Variants in GPC6 observed in about 807,000 individuals in gnomAD.
GPC6 encodes glypican 6, also known as glypican-6.
GPC6 carries 14 observed loss-of-function variants against 55.2 expected under a neutral mutation model. The ratio of observed to expected loss-of-function variants is 0.25; its 90% CI spans 0.17 to 0.40. GPC6 has a LOEUF of 0.40. GPC6 is among the 10% of genes least tolerant of loss of function. The pLI is 1.00. For missense variants in GPC6, 641 were observed against 708.5 expected (o/e 0.90, Z 1.08); for synonymous variants, 278 against 259.6 (o/e 1.07, Z -0.68).
chr13:93,245,845 C>G (rs1876586443), intron 1 of GPC6, among the ~76,000 whole-genome samples: 1 of 152,222 alleles, frequency 6.6e-6, no homozygotes, highest in Non-Finnish European at 1.5e-5. Context: ...AGGAAAAGAG[C>G]AGAATGGGAC....
At chr13:93,816,681 C>A (rs923859023) in intron 2 of GPC6, among the ~76,000 whole-genome samples, 2 of 150,438 alleles carry the variant, frequency 1.3e-5, no homozygotes, top group African/African-American at 4.9e-5. Flanking sequence ...TTCCATGCCT[C>A]GGTTTCCTCA....
intron 1 of GPC6, among the ~76,000 whole-genome samples, chr13:93,295,261 AGCTGGGGTGGTACAGGGAGACCCTGTCTC>A: frequency 7.0e-6 from 1 of 143,198 alleles, no homozygotes; most frequent in African/African-American, 2.6e-5. Context: ...ATTGCACAGA[AGCTGGGGTGGTACAGGGAGACCCTGTCTC>A]AAAAAAAAAA....
intron 2 of GPC6, among the ~76,000 whole-genome samples, chr13:93,808,498 C>A (rs1375608811): frequency 1.3e-5 from 2 of 152,148 alleles, no homozygotes; most frequent in Non-Finnish European, 2.9e-5. Flanking sequence ...ATTTGTCTTC[C>A]AAATAATCTG....
chr13:93,709,305 T>C (rs1274907578), intron 2 of GPC6, among the ~76,000 whole-genome samples: 1 of 151,814 alleles, frequency 6.6e-6, no homozygotes, highest in Non-Finnish European at 1.5e-5. Flanking sequence ...CTTAATAACC[T>C]TCTGTGTGTG....
At chr13:94,172,377 C>T (rs992971871) in intron 4 of GPC6, among the ~76,000 whole-genome samples, 11 of 152,122 alleles carry the variant, frequency 7.2e-5, no homozygotes, top group African/African-American at 2.7e-4. Context: ...TATTAAATTT[C>T]TCTATCTGTA....
intron 4 of GPC6, among the ~76,000 whole-genome samples, chr13:94,179,161 A>C (rs1231180853): frequency 6.6e-6 from 1 of 152,078 alleles, no homozygotes; most frequent in African/African-American, 2.4e-5. Flanking sequence ...CAGTATCCTC[A>C]CCCTCCTGCA....
At chr13:93,578,958 A>G (rs1876803018) in intron 2 of GPC6, among the ~76,000 whole-genome samples, 1 of 152,056 alleles carries the variant, frequency 6.6e-6, no homozygotes, top group Non-Finnish European at 1.5e-5. Flanking sequence ...AGTTGATGAA[A>G]CTTGAGGTCA....
At chr13:93,476,603 AT>A (rs1436806596) in intron 1 of GPC6, among the ~76,000 whole-genome samples, 3 of 152,308 alleles carry the variant, frequency 2.0e-5, no homozygotes, top group African/African-American at 7.2e-5. Flanking sequence ...ATAATTGTTG[AT>A]TACTGTAAGT....
At chr13:93,323,633 T>C (rs1410085385) in intron 1 of GPC6, among the ~76,000 whole-genome samples, 1 of 152,126 alleles carries the variant, frequency 6.6e-6, no homozygotes, top group Non-Finnish European at 1.5e-5. Flanking sequence ...CATTATATAA[T>C]TGTTAATTCA....
chr13:94,150,814 GTATATATA>G (rs34636081), intron 4 of GPC6, among the ~76,000 whole-genome samples: 2 of 100,672 alleles, frequency 2.0e-5, no homozygotes, highest in South Asian at 3.8e-4. Flanking sequence ...GAGATCAGCA[GTATATATA>G]TATATATATG....
At chr13:94,149,596 G>A (rs1048097617) in intron 4 of GPC6, among the ~76,000 whole-genome samples, 1 of 152,138 alleles carries the variant, frequency 6.6e-6, no homozygotes, top group Non-Finnish European at 1.5e-5. Context: ...AATGTCATGA[G>A]TAAGTTATCA....
At chr13:93,896,662 G>C (rs922467057) in intron 3 of GPC6, among the ~76,000 whole-genome samples, 1 of 152,068 alleles carries the variant, frequency 6.6e-6, no homozygotes, top group Admixed American at 6.6e-5. Flanking sequence ...AAGGCAGACA[G>C]ACTAATGTAT....
chr13:93,292,850 A>AT (rs1206119838), intron 1 of GPC6, among the ~76,000 whole-genome samples: 1 of 152,196 alleles, frequency 6.6e-6, no homozygotes, highest in African/African-American at 2.4e-5. Context: ...GTACCAGAAG[A>AT]TTTTCTAGAA....
intron 3 of GPC6, among the ~76,000 whole-genome samples, chr13:93,950,373 C>T (rs1879199767): frequency 6.6e-6 from 1 of 152,106 alleles, no homozygotes; most frequent in African/African-American, 2.4e-5. Flanking sequence ...TACTCTATTT[C>T]ACTGAAATAA....
chr13:93,373,525 A>G (rs1275350166), intron 1 of GPC6, among the ~76,000 whole-genome samples: 1 of 152,212 alleles, frequency 6.6e-6, no homozygotes, highest in African/African-American at 2.4e-5. Context: ...TGACTTTATG[A>G]AGATAAATCA....
At chr13:93,765,054 C>T (rs1885071468) in intron 2 of GPC6, among the ~76,000 whole-genome samples, 1 of 152,194 alleles carries the variant, frequency 6.6e-6, no homozygotes, top group Non-Finnish European at 1.5e-5. Context: ...CCTCCTCAGC[C>T]TCCCAAAGTG....
At chr13:93,570,461 G>A (rs1876346821) in intron 2 of GPC6, among the ~76,000 whole-genome samples, 1 of 152,014 alleles carries the variant, frequency 6.6e-6, no homozygotes, top group South Asian at 2.1e-4. Context: ...TTATTTTATC[G>A]ACTTACAAAA....
chr13:94,279,880 G>C (rs549465479), intron 4 of GPC6, among the ~76,000 whole-genome samples: 16 of 152,160 alleles, frequency 1.1e-4, no homozygotes, highest in Non-Finnish European at 2.2e-4. Flanking sequence ...ATCAATTTTA[G>C]AGCAAGTGTC....
chr13:94,279,742 T>C (rs1439160835), intron 4 of GPC6, among the ~76,000 whole-genome samples: 1 of 152,204 alleles, frequency 6.6e-6, no homozygotes, highest in Non-Finnish European at 1.5e-5. Context: ...TTCCATGTAA[T>C]TGTGTGGTTT....
Sources: gnomAD v4.1 joint callset for allele counts (sites outside exome capture counted in the v4.1 genomes callset) on GRCh38, gnomAD v4.1.1 for gene constraint, MANE v1.5 for transcripts, NCBI Gene and HGNC (gene_info 2026-07-23, HGNC 2026-07-21) for gene names.